MRE11: variants seen among roughly 807,000 people sequenced by gnomAD.
MRE11 encodes MRE11 double strand break repair nuclease, also known as double-strand break repair protein MRE11.
In MRE11, 62 loss-of-function variants were observed where a neutral mutation model predicts 91.7. The ratio of observed to expected loss-of-function variants is 0.68; its 90% CI spans 0.55 to 0.84. The LOEUF (loss-of-function observed/expected upper bound fraction) is 0.84, where lower values mean the gene tolerates loss of function less well. MRE11 is among the 40% of genes least tolerant of loss of function. The probability of loss-of-function intolerance (pLI) is 0.00; values close to 1 mark genes in which losing one functional copy is unlikely to be tolerated. For missense variants in MRE11, 796 were observed against 852.9 expected, an observed-to-expected ratio of 0.93 and a Z score of 0.83; for synonymous variants, 273 against 271.4, an observed-to-expected ratio of 1.01 and a Z score of -0.06.
chr11:94,446,238 C>A (rs1233644024), intron 15 of MRE11, among the ~76,000 whole-genome samples: 2 of 151,974 alleles, frequency 1.3e-5, no homozygotes, highest in African/African-American at 2.4e-5. Flanking sequence ...TGAAACCCCA[C>A]CTCTACTAAA....
Position 94,444,879 on chromosome 11 carries a change from C to T in MRE11, c.1867+931G>A, listed in dbSNP as rs139604573. 5.3e-3 allele frequency among the ~76,000 whole-genome samples: 810 copies of T among 151,700 alleles called. 9 individuals carry two copies. The highest frequency in any genetic ancestry group is 0.019 in the African/African-American group (779 of 41,436). On this transcript the variant is annotated intron_variant, in intron 16 of 19. Transcript: ENST00000323929. ...AAAGTGAAACAATAACCTCAAATAA[C>T]TGATAATATAAATAATATACATATG...
chr11:94,423,966 G>A (rs1408422069), intron 19 of MRE11, among the ~76,000 whole-genome samples: 1 of 152,174 alleles, frequency 6.6e-6, no homozygotes, highest in African/African-American at 2.4e-5. Flanking sequence ...GTCTGGGAAG[G>A]GTGTGGCCTG....
At chr11:94,466,121 TG>T (rs1210920711) in intron 10 of MRE11, among the ~76,000 whole-genome samples, 7 of 152,114 alleles carry the variant, frequency 4.6e-5, no homozygotes, top group Non-Finnish European at 8.8e-5. Flanking sequence ...AGGATCAACA[TG>T]GACAAAGGTT....
chr11:94,492,073 C>G (rs79291242), intron 2 of MRE11, among the ~76,000 whole-genome samples: 1 of 152,232 alleles, frequency 6.6e-6, no homozygotes, highest in East Asian at 1.9e-4. Context: ...GGTCACACAG[C>G]TAGTAGGGTC....
chr11:94,488,472 T>C (rs1384414322), intron 3 of MRE11, among the ~76,000 whole-genome samples: 1 of 152,162 alleles, frequency 6.6e-6, no homozygotes, highest in Non-Finnish European at 1.5e-5. Flanking sequence ...CAAAGGAATA[T>C]AAATCATTCT....
intron 13 of MRE11, 29 bp downstream of exon 13, chr11:94,459,379 A>G: frequency 6.2e-7 from 1 of 1,611,492 alleles, no homozygotes. Context: ...CTATTTAAAT[A>G]GACCTAGACA....
the MRE11 span, among the ~76,000 whole-genome samples, chr11:94,505,625 T>C: frequency 6.6e-6 from 1 of 152,284 alleles, no homozygotes; most frequent in South Asian, 2.1e-4. Context: ...CTAAAGGTAA[T>C]TTATTATTGA....
chr11:94,458,346 A>G (rs535933830), intron 13 of MRE11, among the ~76,000 whole-genome samples: 7 of 149,874 alleles, frequency 4.7e-5, no homozygotes, highest in Non-Finnish European at 1.0e-4. Flanking sequence ...TACATATAAA[A>G]TAAAAATAAT....
At chr11:94,503,067 T>A in the MRE11 span, among the ~76,000 whole-genome samples, 2 of 152,248 alleles carry the variant, frequency 1.3e-5, no homozygotes, top group Admixed American at 6.5e-5. Context: ...TAACATGAGA[T>A]CTGCCCTGTT....
rs11820430 is a variant in MRE11, at chr11:94,480,562, C to T, written c.315-801G>A. Reference sequence around the variant, plus strand: ...AAAGTAATCTTCTACAGCGAGTAATCTTGTTGCCCTGGTGAGTCGACCTGT... The same window carrying T: ...AAAGTAATCTTCTACAGCGAGTAATTTTGTTGCCCTGGTGAGTCGACCTGT... On this transcript the variant is annotated intron_variant, in intron 4 of 19. Coordinates refer to ENST00000323929, the MANE Select transcript of MRE11 (RefSeq NM_005591.4). 2.4e-3 allele frequency among the ~76,000 whole-genome samples: 359 copies of T among 152,338 alleles called. 1 individual carries two copies. Among genetic ancestry groups the T allele is most frequent in the Admixed American group, 5.1e-3 (78 of 15,308 alleles).
chr11:94,511,066 T>C, the MRE11 span, among the ~76,000 whole-genome samples: 65 of 152,238 alleles, frequency 4.3e-4, no homozygotes, highest in South Asian at 0.013. Context: ...TGGAGAGCAG[T>C]TTGAAATTCA....
intron 14 of MRE11, among the ~76,000 whole-genome samples, chr11:94,453,371 T>C (rs935934320): frequency 3.9e-5 from 6 of 152,352 alleles, no homozygotes; most frequent in African/African-American, 1.4e-4. Context: ...GATAATTCTA[T>C]GTTTAACTAC....
intron 14 of MRE11, among the ~76,000 whole-genome samples, chr11:94,447,665 C>CAAAAAA (rs56850566): frequency 1.2e-4 from 6 of 48,984 alleles, no homozygotes; most frequent in African/African-American, 2.2e-4. Context: ...CCCGTCTCTA[C>CAAAAAA]AAAAAAAAAA....
chr11:94,447,377 G>A lies in MRE11; in HGVS notation c.1625C>T (p.Ala542Val). The change falls in exon 15 of 20, where the codon GCT (alanine) becomes GTT (valine). Residue 542 changes from alanine (A) to valine (V), a missense_variant. Transcript: ENST00000323929. ...QSEESASAFS[A>V]DDLMSIDLAE... ...TAAATCTATACTCATAAGGTCATCA[G>A]CACTAAAGGCAGAAGCAGACTCCTC... 1.2e-6 allele frequency: 2 copies of A among 1,614,094 alleles called. No homozygotes were observed. The highest frequency in any genetic ancestry group is 1.1e-5 in the South Asian group (1 of 91,078).
chr11:94,449,609 G>A (rs889712269), intron 14 of MRE11, among the ~76,000 whole-genome samples: 2 of 152,178 alleles, frequency 1.3e-5, no homozygotes, highest in Admixed American at 6.5e-5. Context: ...TGATAGTCAT[G>A]CATTGCTTAA....
chr11:94,490,704 G>T, intron 3 of MRE11, 129 bp downstream of exon 3: 1 of 1,044,476 alleles, frequency 9.6e-7, no homozygotes, highest in Non-Finnish European at 1.5e-6. Flanking sequence ...TGAGCTTTCA[G>T]TATATTGATA....
At chr11:94,438,408 A>T (rs1314243122) in intron 16 of MRE11, among the ~76,000 whole-genome samples, 5 of 152,208 alleles carry the variant, frequency 3.3e-5, no homozygotes, top group African/African-American at 4.8e-5. Context: ...CCAAACTTGT[A>T]ATATCTAAGA....
the MRE11 span, among the ~76,000 whole-genome samples, chr11:94,511,177 C>G: frequency 2.8e-4 from 43 of 151,820 alleles, no homozygotes; most frequent in East Asian, 7.9e-3. Flanking sequence ...GCCTCTCGCT[C>G]TCTCTCTATA....
rs113650846 is a variant in MRE11 at position 94,480,365 on chromosome 11, T to G, written c.315-604A>C. On this transcript the variant is annotated intron_variant, in intron 4 of 19. Coordinates refer to ENST00000323929, the MANE Select transcript of MRE11 (RefSeq NM_005591.4). ...CATCCTGCTTTTATCACTCAACATA[T>G]TTTAGAAATCATTCCACATCAGTAC... is the stretch of plus-strand genomic sequence containing the variant. Among the ~76,000 whole-genome samples, 1,353 of 152,338 alleles carry G rather than the reference T, an allele frequency of 8.9e-3. 22 individuals are homozygous for G. Among genetic ancestry groups the G allele is most frequent in the African/African-American group, 0.031 (1,298 of 41,566 alleles).
Sources: gnomAD v4.1 joint callset for allele counts (sites outside exome capture counted in the v4.1 genomes callset) on GRCh38, gnomAD v4.1.1 for gene constraint, MANE v1.5 for transcripts, NCBI Gene and HGNC (gene_info 2026-07-23, HGNC 2026-07-21) for gene names.